SRSF4: variants seen among roughly 807,000 people sequenced by gnomAD.
SRSF4 encodes the protein serine and arginine rich splicing factor 4, also known as serine/arginine-rich splicing factor 4.
A neutral mutation model predicts 48.8 loss-of-function variants in SRSF4; 12 were observed. That is an observed-to-expected ratio of 0.25 (90% CI 0.16 to 0.40). The LOEUF is 0.40. Ranked by LOEUF, SRSF4 falls within the 10% of genes least tolerant of loss-of-function variation. The pLI is 1.00. For synonymous variants in SRSF4, 248 were observed against 232.5 expected (o/e 1.07, Z -0.61); for missense variants, 466 against 667.1 (o/e 0.70, Z 3.32).
chr1:29,162,312 GACTT>G (rs955914146), intron 1 of SRSF4, among the ~76,000 whole-genome samples: 5 of 152,176 alleles, frequency 3.3e-5, no homozygotes, highest in Admixed American at 6.5e-5. Flanking sequence ...CGAAATCCCT[GACTT>G]ACTATGTTCA....
rs1672970129 is a variant in SRSF4 at position 29,181,897 on chromosome 1, A to ACGCAGCTCGCGAGCG, written c.-146_-145insCGCTCGCGAGCTGCG. 2.2e-5 allele frequency: 12 copies of ACGCAGCTCGCGAGCG among 546,530 alleles called. 1 individual carries two copies. The South Asian group carries it at 4.6e-4, about 21-fold the overall frequency. 33.9% of individuals were successfully genotyped at this position (546,530 alleles called of 1,614,324 possible). A position where few individuals can be genotyped will look rare whatever the true frequency, so the allele number is the denominator to read the frequency against. On this transcript the variant is annotated 5_prime_UTR_variant, in exon 1 of 6. Transcript: ENST00000373795. ...CCGAACCCCGGCGACGTACGCGAGC[A>ACGCAGCTCGCGAGCG]CGCAGCTCGCGAGCGCGCGCTTCCA...
chr1:29,160,671 T>G, intron 1 of SRSF4, 154 bp from the exon 2 acceptor site: 1 of 768,620 alleles, frequency 1.3e-6, no homozygotes, highest in Non-Finnish European at 1.9e-6. Context: ...TGAAACCACT[T>G]TGCTTTGTGC....
At chr1:29,150,817 C>T (rs1483762054) in intron 4 of SRSF4, among the ~76,000 whole-genome samples, 1 of 152,178 alleles carries the variant, frequency 6.6e-6, no homozygotes, top group East Asian at 1.9e-4. Context: ...CGTCTTTCCC[C>T]TATCCCCTTA....
Position 29,170,631 on chromosome 1 carries a change from T to C in SRSF4, c.108-10114A>G, listed in dbSNP as rs531675852. 2.0e-5 allele frequency: 3 copies of C among 152,352 alleles called. No individual in the cohort carries two copies. In the East Asian group the frequency reaches 5.8e-4, roughly 29 times the overall value. The allele number at this position is 152,352 out of a possible 1,614,324, so 9.4% of individuals were successfully genotyped here. On this transcript the variant is annotated intron_variant, in intron 1 of 5. Coordinates refer to ENST00000373795, the MANE Select transcript of SRSF4 (RefSeq NM_005626.5). ...TAGTGGATGCCACTAATTAAGTATT[T>C]TAATGAATTTTTCAAATTCTTTTAA... is the stretch of plus-strand genomic sequence containing the variant.
intron 1 of SRSF4, among the ~76,000 whole-genome samples, chr1:29,175,052 G>GA: frequency 6.6e-6 from 1 of 150,844 alleles, no homozygotes; most frequent in Non-Finnish European, 1.5e-5. Context: ...ACCTGTATGT[G>GA]AAAAAAAGTA....
intron 1 of SRSF4, among the ~76,000 whole-genome samples, chr1:29,163,224 T>C (rs1672624495): frequency 6.6e-6 from 1 of 152,172 alleles, no homozygotes; most frequent in Non-Finnish European, 1.5e-5. Context: ...TTCCAACAAG[T>C]GGGTCACTTG....
intron 1 of SRSF4, chr1:29,172,791 A>C (rs1210063107): frequency 6.6e-6 from 1 of 152,236 alleles, no homozygotes; most frequent in Non-Finnish European, 1.5e-5. Flanking sequence ...CAGGGATAAT[A>C]AAAATGCAAA....
intron 1 of SRSF4, among the ~76,000 whole-genome samples, chr1:29,177,893 A>ATTTT (rs397979781): frequency 0.019 from 1,786 of 93,586 alleles, 125 homozygotes; most frequent in African/African-American, 0.071. Flanking sequence ...ATTACACAAG[A>ATTTT]TTTTTTTTTT....
rs1672332734 is a variant in SRSF4 at position 29,148,070 on chromosome 1, C to A, written c.*340G>T. On this transcript the variant is annotated 3_prime_UTR_variant, in exon 6 of 6. Transcript: ENST00000373795. ...TCAAGAGCAAAAATGGTTGAACTCA[C>A]CATACCTACCTATGTGGTCATTCCA... 2.0e-6 allele frequency: 1 copy of A among 500,920 alleles called. No homozygotes were observed. The highest frequency in any genetic ancestry group is 3.9e-6 in the Non-Finnish European group (1 of 257,078). 31.0% of individuals were successfully genotyped at this position (500,920 alleles called of 1,614,324 possible).
At chr1:29,180,157 G>A (rs1672933229) in intron 1 of SRSF4, among the ~76,000 whole-genome samples, 1 of 152,214 alleles carries the variant, frequency 6.6e-6, no homozygotes, top group Non-Finnish European at 1.5e-5. Flanking sequence ...GTAGTAAGTG[G>A]TGGAACCAGG....
intron 1 of SRSF4, among the ~76,000 whole-genome samples, chr1:29,177,428 T>C (rs1373022945): frequency 6.6e-6 from 1 of 152,070 alleles, no homozygotes; most frequent in Non-Finnish European, 1.5e-5. Context: ...ATTACAGGCA[T>C]GTGCCACGAC....
At chr1:29,178,578 G>A (rs935156651) in intron 1 of SRSF4, among the ~76,000 whole-genome samples, 2 of 151,560 alleles carry the variant, frequency 1.3e-5, no homozygotes, top group African/African-American at 2.4e-5. Context: ...GGATGGTCTC[G>A]ATCTCCTGAC....
chr1:29,155,310 G>T (rs1672483649), intron 3 of SRSF4, among the ~76,000 whole-genome samples: 1 of 151,974 alleles, frequency 6.6e-6, no homozygotes, highest in Admixed American at 6.6e-5. Context: ...CACGCCTGTG[G>T]TCCCAGCTAC....
At chr1:29,171,993 C>A (rs1032599460) in intron 1 of SRSF4, 2 of 152,152 alleles carry the variant, frequency 1.3e-5, no homozygotes, top group African/African-American at 4.8e-5. Context: ...GGGCAATTTA[C>A]GCTGTTAACA....
chr1:29,180,307 C>T (rs1228647365), intron 1 of SRSF4, among the ~76,000 whole-genome samples: 1 of 152,172 alleles, frequency 6.6e-6, no homozygotes, highest in African/African-American at 2.4e-5. Flanking sequence ...CGTCTACCCG[C>T]CACTTCAATA....
At chr1:29,149,385 A>G (rs1328997047) in intron 5 of SRSF4, among the ~76,000 whole-genome samples, 159 bp from the exon 6 acceptor site, 2 of 152,186 alleles carry the variant, frequency 1.3e-5, no homozygotes, top group Non-Finnish European at 2.9e-5. Flanking sequence ...TGCCAATCAG[A>G]AGCTGGAAAA....
intron 1 of SRSF4, among the ~76,000 whole-genome samples, chr1:29,161,890 G>GC (rs1672602918): frequency 1.3e-5 from 2 of 152,220 alleles, no homozygotes; most frequent in African/African-American, 4.8e-5. Flanking sequence ...ACTGCGCCCG[G>GC]CCTCCAGTTT....
intron 3 of SRSF4, among the ~76,000 whole-genome samples, chr1:29,156,940 C>T (rs1169297663): frequency 2.0e-5 from 3 of 152,164 alleles, no homozygotes; most frequent in Non-Finnish European, 2.9e-5. Context: ...CAGGACGAAA[C>T]GGTGAAAGGC....
rs1672330461 is a variant in SRSF4, at chr1:29,147,952, CA to C, written c.*457del. 2 of 405,342 alleles carry C rather than the reference CA, an allele frequency of 4.9e-6. No homozygotes were observed. The highest frequency in any genetic ancestry group is 4.1e-5 in the African/African-American group (2 of 48,516). 25.1% of individuals were successfully genotyped at this position (405,342 alleles called of 1,614,324 possible). On this transcript the variant is annotated 3_prime_UTR_variant, in exon 6 of 6. Transcript: ENST00000373795. ...CAATTTTCCTCGACTGTGCTATTCA[CA>C]ACTTTGTTAAGTCCAAAAATATGAA...
Sources: allele counts gnomAD v4.1 joint callset (sites outside exome capture counted in the v4.1 genomes callset), GRCh38; gene constraint gnomAD v4.1.1; transcripts MANE v1.5; gene names NCBI Gene and HGNC (gene_info 2026-07-23, HGNC 2026-07-21).